Variants in SNX2 observed in about 807,000 individuals in gnomAD.
SNX2 encodes sorting nexin 2, also known as sorting nexin-2.
A neutral mutation model predicts 69.9 loss-of-function variants in SNX2; 25 were observed. The observed-to-expected ratio is 0.36, with a 90% CI of 0.26 to 0.50. SNX2 has a LOEUF of 0.50. Among genes scored for constraint, SNX2 ranks in the 20% least tolerant of loss-of-function variants. SNX2 has a pLI of 0.97. For missense variants in SNX2, 551 were observed against 613.3 expected (o/e 0.90, Z 1.07); for synonymous variants, 229 against 200.4 (o/e 1.14, Z -1.20).
At chr5:122,815,521 A>T (rs1177971223) in intron 7 of SNX2, 1 of 155,254 alleles carries the variant, frequency 6.4e-6, no homozygotes, top group Non-Finnish European at 1.4e-5. Context: ...TGTTTCTTAG[A>T]ACTCTAAAAT....
chr5:122,818,985 C>G lies in SNX2; in HGVS notation c.1174C>G (p.Leu392Val). Residue 392 changes from leucine to valine, a missense_variant, in exon 11 of 15, where the codon CTA becomes GTA. Leu to Val is a conservative substitution (Grantham distance 32). Around this residue, in one of 2 missense-constraint regions of SNX2, gnomAD observed 360 missense variants for 450.4 expected, o/e 0.80. Coordinates refer to ENST00000379516, the MANE Select transcript of SNX2 (RefSeq NM_003100.4). ...TGCTGACTTTTATATGTTTTCAGAA[C>G]TACTTAGTGACTACATTCGTCTTAT... ...AFADFYMFSE[L>V]LSDYIRLIAA... is the part of the protein sequence containing the mutation. The G allele has an allele frequency of 6.2e-7, 1 of 1,613,806 alleles. No homozygotes were observed. The highest frequency in any genetic ancestry group is 8.5e-7 in the Non-Finnish European group (1 of 1,179,788).
At position 122,833,579 on chromosome 5, in the gene SNX2, G is replaced by A. The variant is rs1180252864; in HGVS notation, c.*3931G>A. ...ATTCAGACCGGCTACAATTTGATCA[G>A]TTGTCACATGTGGATGACTAGTGGC... On this transcript the variant is annotated 3_prime_UTR_variant, in exon 15 of 15. Transcript: ENST00000379516. 6.6e-6 allele frequency: 1 copy of A among 152,164 alleles called. No homozygotes were observed. The highest frequency in any genetic ancestry group is 2.4e-5 in the African/African-American group (1 of 41,422). 9.4% of individuals were successfully genotyped at this position (152,164 alleles called of 1,614,324 possible). A position where few individuals can be genotyped will look rare whatever the true frequency, so the allele number is the denominator to read the frequency against.
In SNX2 at chr5:122,817,033, G is replaced by C. The variant is rs1315183102; in HGVS notation, c.912+5G>C. ...AAGATGAATGAATCGGATGCAGTAA[G>C]AGCTGATTTTTCGGCTTGAATAATG... On this transcript the variant is annotated splice_donor_5th_base_variant and intron_variant, in intron 9 of 14. Coordinates refer to ENST00000379516, the MANE Select transcript of SNX2 (RefSeq NM_003100.4). The C allele has an allele frequency of 6.2e-7, 1 of 1,604,442 alleles. No individual in the cohort carries two copies. Among genetic ancestry groups the C allele is most frequent in the South Asian group, 1.1e-5 (1 of 90,616 alleles).
In SNX2 at chr5:122,832,850, A is replaced by C. The variant is rs925212028; in HGVS notation, c.*3202A>C. The C allele has an allele frequency of 6.6e-6, 1 of 152,222 alleles. No individual in the cohort carries two copies. Among genetic ancestry groups the C allele is most frequent in the African/African-American group, 2.4e-5 (1 of 41,458 alleles). The allele number at this position is 152,222 out of a possible 1,614,324, so 9.4% of individuals were successfully genotyped here. ...GGCTCCCTGCATGGGCAGTCATGTT[A>C]ACAAGAGTCAGGGAGATAGCAGATA... is the stretch of plus-strand genomic sequence containing the variant. On this transcript the variant is annotated 3_prime_UTR_variant, in exon 15 of 15. Transcript: ENST00000379516.
intron 1 of SNX2, among the ~76,000 whole-genome samples, chr5:122,794,993 A>T (rs978433664): frequency 1.3e-5 from 2 of 152,200 alleles, no homozygotes; most frequent in East Asian, 3.8e-4. Flanking sequence ...GCTACACTCC[A>T]GCCTGGGCCA....
intron 6 of SNX2, among the ~76,000 whole-genome samples, chr5:122,804,795 A>G (rs571562149): frequency 3.6e-4 from 55 of 152,224 alleles, no homozygotes; most frequent in African/African-American, 1.3e-3. Flanking sequence ...ATTTTATTCA[A>G]TGCTTTTTCA....
Position 122,793,562 on chromosome 5 carries a change from A to G in SNX2, c.109-1704A>G, listed in dbSNP as rs748918002. Among the ~76,000 whole-genome samples, 4 of 152,218 alleles carry G rather than the reference A, an allele frequency of 2.6e-5. 1 individual carries two copies. Among genetic ancestry groups the G allele is most frequent in the Admixed American group, 2.6e-4 (4 of 15,284 alleles). On this transcript the variant is annotated intron_variant, in intron 1 of 14. Transcript: ENST00000379516. ...AGTTTTTGAAACTATCTAGCTGTAC[A>G]CTTTTGATATATACAGTTTTTTTGT...
intron 7 of SNX2, 80 bp from the exon 8 acceptor site, chr5:122,815,816 T>C: frequency 1.4e-6 from 1 of 692,498 alleles, no homozygotes. Context: ...TTTTTCCTAG[T>C]ATTTCTATTT....
rs1753176979 is a variant in SNX2, at chr5:122,789,485, A to ACT, written c.109-5780_109-5779insTC. Among the ~76,000 whole-genome samples the ACT allele has an allele frequency of 3.1e-5, 3 of 97,264 alleles. 1 individual carries two copies. In the South Asian group the frequency reaches 7.6e-4, roughly 25 times the overall value. 63.8% of individuals were successfully genotyped at this position (97,264 alleles called of 152,430 possible). A position where few individuals can be genotyped will look rare whatever the true frequency, so the allele number is the denominator to read the frequency against. Reference sequence around the variant, plus strand: ...CACAGACACACACGGACACACACACACACACACACACACACACACTCTTCC... The same window carrying ACT: ...CACAGACACACACGGACACACACACACTCACACACACACACACACACTCTTCC... On this transcript the variant is annotated intron_variant, in intron 1 of 14. Coordinates refer to ENST00000379516, the MANE Select transcript of SNX2 (RefSeq NM_003100.4).
intron 1 of SNX2, among the ~76,000 whole-genome samples, chr5:122,789,460 C>A (rs1343689600): frequency 1.7e-5 from 1 of 57,304 alleles, no homozygotes; most frequent in Admixed American, 2.2e-4. Flanking sequence ...CACACACACA[C>A]ACAGACACAC....
intron 1 of SNX2, among the ~76,000 whole-genome samples, chr5:122,794,129 G>A (rs140379931): frequency 0.028 from 4,182 of 152,040 alleles, 74 homozygotes; most frequent in Middle Eastern, 0.058. Flanking sequence ...TGACCAACAT[G>A]GTGAAACCCT....
chr5:122,828,493 C>T (rs1754209164), intron 14 of SNX2, among the ~76,000 whole-genome samples: 1 of 148,324 alleles, frequency 6.7e-6, no homozygotes, highest in Admixed American at 6.7e-5. Flanking sequence ...CTATCCAGTC[C>T]TTTTTTTTTT....
chr5:122,777,623 T>G (rs1752883645), intron 1 of SNX2, among the ~76,000 whole-genome samples: 1 of 152,238 alleles, frequency 6.6e-6, no homozygotes, highest in Admixed American at 6.5e-5. Context: ...TATAGAAAGC[T>G]TCAATGGCAT....
chr5:122,799,697 A>G lies in SNX2; in HGVS notation c.232A>G (p.Thr78Ala). ...DDREDLFAEA[T>A]EEVSLDSPER... ...CTTGTTTAATCTATGTCTAGAAGCCACAGAAGAAGTTTCTTTGGACAGCCC... is the reference window on the plus strand; with the variant it reads ...CTTGTTTAATCTATGTCTAGAAGCCGCAGAAGAAGTTTCTTTGGACAGCCC... Residue 78 changes from threonine (T) to alanine (A), a missense_variant, in exon 3 of 15, where the codon ACA (threonine) becomes GCA (alanine). Transcript: ENST00000379516. 2 of 1,611,256 alleles carry G rather than the reference A, an allele frequency of 1.2e-6. No homozygotes were observed. The highest frequency in any genetic ancestry group is 1.7e-6 in the Non-Finnish European group (2 of 1,178,490).
chr5:122,795,594 A>G, intron 2 of SNX2: 1 of 430,818 alleles, frequency 2.3e-6, no homozygotes, highest in South Asian at 4.5e-5. Flanking sequence ...TCTGGCTGTA[A>G]GCATTTGAGA....
Position 122,827,651 on chromosome 5 carries a change from G to A in SNX2, c.1509+5G>A, listed in dbSNP as rs752322879. The A allele has an allele frequency of 1.2e-6, 2 of 1,601,266 alleles. No individual in the cohort carries two copies. The highest frequency in any genetic ancestry group is 2.2e-5 in the South Asian group (2 of 89,716). ...CTAGTTCAAACACAACAACAGGTAA[G>A]CCATTTTTGTTTATAACTTAAACTT... On this transcript the variant is annotated splice_donor_5th_base_variant and intron_variant, in intron 14 of 14. Transcript: ENST00000379516.
intron 7 of SNX2, among the ~76,000 whole-genome samples, chr5:122,813,364 A>G (rs1164109286): frequency 6.6e-6 from 1 of 152,112 alleles, no homozygotes; most frequent in African/African-American, 2.4e-5. Context: ...TAGTATATGT[A>G]TTTAGTATAT....
intron 7 of SNX2, among the ~76,000 whole-genome samples, chr5:122,811,805 G>A (rs950756302): frequency 7.4e-5 from 11 of 149,068 alleles, no homozygotes; most frequent in Non-Finnish European, 4.4e-5. Context: ...CCAGCCTGTC[G>A]ACAGAGTGAG....
intron 1 of SNX2, among the ~76,000 whole-genome samples, chr5:122,785,116 A>G (rs1254861597): frequency 6.6e-6 from 1 of 151,486 alleles, no homozygotes; most frequent in African/African-American, 2.4e-5. Context: ...ATGTATTTTG[A>G]TTTGGTAGAG....
Sources: gnomAD v4.1 joint callset for allele counts (sites outside exome capture counted in the v4.1 genomes callset) on GRCh38, gnomAD v4.1.1 for gene constraint, gnomAD v4.1.1 regional missense constraint, MANE v1.5 for transcripts, NCBI Gene and HGNC (gene_info 2026-07-23, HGNC 2026-07-21) for gene names.